Variants in SVOPL observed in about 807,000 individuals in gnomAD.
The protein encoded by SVOPL is SVOP like.
A neutral mutation model predicts 61.0 loss-of-function variants in SVOPL; 60 were observed. The ratio of observed to expected loss-of-function variants is 0.98; its 90% CI spans 0.80 to 1.22. The LOEUF (loss-of-function observed/expected upper bound fraction) is 1.22. Ranked by LOEUF, SVOPL falls within the 50% of genes most tolerant of loss-of-function variation. SVOPL has a pLI of 0.00. For synonymous variants in SVOPL, 279 were observed against 250.0 expected (o/e 1.12, Z -1.09); for missense variants, 662 against 643.9 (o/e 1.03, Z -0.30).
chr7:138,660,971 T>A (rs1801975774), intron 5 of SVOPL: 2 of 982,734 alleles, frequency 2.0e-6, no homozygotes, highest in South Asian at 9.4e-5. Flanking sequence ...TTGTTTTTGA[T>A]AACTCCTGTA....
intron 13 of SVOPL, among the ~76,000 whole-genome samples, chr7:138,622,509 G>A (rs1659815): frequency 0.37 from 56,132 of 151,198 alleles, 10,790 homozygotes; most frequent in East Asian, 0.6. Flanking sequence ...GTCTCTCCAA[G>A]TTGGCCGGGT....
intron 3 of SVOPL, among the ~76,000 whole-genome samples, chr7:138,678,062 G>A (rs977966592): frequency 2.6e-5 from 4 of 152,062 alleles, no homozygotes; most frequent in Non-Finnish European, 5.9e-5. Context: ...CACCGTGTGT[G>A]GCCACAATCT....
intron 14 of SVOPL, among the ~76,000 whole-genome samples, chr7:138,613,310 G>T (rs1427515248): frequency 6.6e-6 from 1 of 152,120 alleles, no homozygotes; most frequent in Admixed American, 6.5e-5. Flanking sequence ...ATGAGCCACC[G>T]TGACAGGCCA....
intron 9 of SVOPL, among the ~76,000 whole-genome samples, chr7:138,631,960 T>TCTCACACACACACACA (rs935815206): frequency 1.2e-4 from 18 of 146,964 alleles, no homozygotes; most frequent in African/African-American, 2.8e-4. Flanking sequence ...TGCTCTGATA[T>TCTCACACACACACACA]CACACACACA....
At chr7:138,601,543 A>G (rs1022427378) in intron 14 of SVOPL, among the ~76,000 whole-genome samples, 1 of 152,112 alleles carries the variant, frequency 6.6e-6, no homozygotes, top group South Asian at 2.1e-4. Context: ...TCTCTCTTAT[A>G]TGTGGAATCT....
chr7:138,689,340 A>G (rs1802887911), intron 1 of SVOPL: 5 of 1,591,524 alleles, frequency 3.1e-6, no homozygotes, highest in Non-Finnish European at 4.3e-6. Context: ...CCAAGTGAAC[A>G]AAGCACCTAA....
chr7:138,687,321 C>T (rs866372142), intron 1 of SVOPL, among the ~76,000 whole-genome samples: 10 of 148,314 alleles, frequency 6.7e-5, no homozygotes, highest in South Asian at 6.5e-4. Context: ...CCACAACCTC[C>T]GCCTCCTGAG....
chr7:138,655,513 A>G (rs775619715), intron 7 of SVOPL, among the ~76,000 whole-genome samples: 5 of 152,034 alleles, frequency 3.3e-5, no homozygotes, highest in Non-Finnish European at 7.4e-5. Context: ...TTCAAAAAAT[A>G]AAATAAAAAT....
At chr7:138,671,348 G>A (rs1032574491) in intron 4 of SVOPL, among the ~76,000 whole-genome samples, 1 of 152,010 alleles carries the variant, frequency 6.6e-6, no homozygotes, top group Admixed American at 6.6e-5. Context: ...AACTCATAAG[G>A]CTATTTTTTC....
chr7:138,608,917 T>C (rs1336389032), intron 14 of SVOPL, among the ~76,000 whole-genome samples: 2 of 152,110 alleles, frequency 1.3e-5, no homozygotes, highest in African/African-American at 4.8e-5. Context: ...TTGTAATATG[T>C]CAGAAAAACT....
chr7:138,612,648 T>G lies in SVOPL; in HGVS notation c.1353+8398A>C, dbSNP rs1338894637. Among the ~76,000 whole-genome samples, 4 of 151,946 alleles carry G rather than the reference T, an allele frequency of 2.6e-5. No individual in the cohort carries two copies. In the South Asian group the frequency reaches 8.3e-4, roughly 32 times the overall value. On this transcript the variant is annotated intron_variant, in intron 14 of 15. Transcript: ENST00000674285. ...CTCCTGCCTCAGCCTCCTGAGTAGC[T>G]GGGATTACAGGTGCCTGCCACCATG...
At chr7:138,696,795 C>A in intron 1 of SVOPL, among the ~76,000 whole-genome samples, 1 of 152,152 alleles carries the variant, frequency 6.6e-6, no homozygotes, top group East Asian at 1.9e-4. Flanking sequence ...TCTTAAACTC[C>A]TGGGCTCAGA....
Position 138,663,400 on chromosome 7 carries a change from T to C in SVOPL, c.274-255A>G, listed in dbSNP as rs536660322. The C allele has an allele frequency of 6.8e-4, 932 of 1,374,232 alleles. 17 individuals carry two copies. The South Asian group carries it at 0.014, about 20-fold the overall frequency. The allele number at this position is 1,374,232 out of a possible 1,614,324, so 85.1% of individuals were successfully genotyped here. A position where few individuals can be genotyped will look rare whatever the true frequency, so the allele number is the denominator to read the frequency against. Reference sequence around the variant, plus strand: ...GGGTCCTCTGCCGCCCGCTTGTTGCTAGAGGACGGCTTCGGCTCCACTCTA... The same window carrying C: ...GGGTCCTCTGCCGCCCGCTTGTTGCCAGAGGACGGCTTCGGCTCCACTCTA... On this transcript the variant is annotated intron_variant, in intron 4 of 15. Coordinates refer to ENST00000674285, the MANE Select transcript of SVOPL (RefSeq NM_001139456.2).
At chr7:138,620,190 G>A (rs1389452854) in intron 14 of SVOPL, among the ~76,000 whole-genome samples, 2 of 136,012 alleles carry the variant, frequency 1.5e-5, no homozygotes, top group Non-Finnish European at 3.0e-5. Context: ...ACGCGATCTC[G>A]GCTCACTGCA....
chr7:138,664,796 T>G (rs1802185674), intron 4 of SVOPL, among the ~76,000 whole-genome samples: 1 of 94,378 alleles, frequency 1.1e-5, no homozygotes, highest in Non-Finnish European at 2.1e-5. Context: ...CCCCAGCTCT[T>G]CCTCCTCCGC....
rs143129383 is a variant in SVOPL, at chr7:138,656,499, C to T, written c.483G>A (p.Lys161=). The change falls in exon 7 of 16, where the codon AAG becomes AAA. Residue 161 remains lysine (K), a synonymous_variant. Coordinates refer to ENST00000674285, the MANE Select transcript of SVOPL (RefSeq NM_001139456.2). ...GGTATTTCGTGGGCAAAAATTCAGT[C>T]TTTATGATTAACCTAAACAGGAAGC... is the stretch of plus-strand genomic sequence containing the variant. ...VSGHSQGLII[K]TEFLPTKYRG... is the part of the protein sequence containing the mutation. 6.2e-7 allele frequency: 1 copy of T among 1,613,926 alleles called. No homozygotes were observed. The highest frequency in any genetic ancestry group is 8.5e-7 in the Non-Finnish European group (1 of 1,179,968).
At position 138,686,374 on chromosome 7, in the gene SVOPL, C is replaced by T. The variant is rs192170914; in HGVS notation, c.-34-7295G>A. On this transcript the variant is annotated intron_variant, in intron 1 of 15. Coordinates refer to ENST00000674285, the MANE Select transcript of SVOPL (RefSeq NM_001139456.2). ...TTAGCCGAGATCGTGCCACTTCACT[C>T]CAGCCTGGGTGAAAGAGTGAGACTC... is the stretch of plus-strand genomic sequence containing the variant. Among the ~76,000 whole-genome samples the T allele has an allele frequency of 6.1e-3, 886 of 144,318 alleles. 4 individuals are homozygous for T. The highest frequency in any genetic ancestry group is 0.01 in the Admixed American group (146 of 14,474). 94.7% of individuals were successfully genotyped at this position (144,318 alleles called of 152,430 possible). A position where few individuals can be genotyped will look rare whatever the true frequency, so the allele number is the denominator to read the frequency against.
intron 14 of SVOPL, among the ~76,000 whole-genome samples, chr7:138,607,747 G>C (rs1369049216): frequency 6.6e-6 from 1 of 152,146 alleles, no homozygotes; most frequent in Non-Finnish European, 1.5e-5. Context: ...GAACAAGGTT[G>C]ATTTTACAGC....
rs369684225 is a variant in SVOPL, at chr7:138,644,775, C to T, written c.731G>A (p.Arg244His). 186 of 1,614,038 alleles carry T rather than the reference C, an allele frequency of 1.2e-4. No homozygotes were observed. The highest frequency in any genetic ancestry group is 4.5e-4 in the South Asian group (41 of 91,082). Residue 244 changes from arginine (R) to histidine (H), a missense_variant, in exon 9 of 16, where the codon CGC (arginine) becomes CAC (histidine). Physicochemically the swap from Arg to His is conservative, Grantham distance 29. Coordinates refer to ENST00000674285, the MANE Select transcript of SVOPL (RefSeq NM_001139456.2). ...GACCGAGCGGTTCATCTTGGCAACG[C>T]GCTCCAGAGTGGCCAGGGCAGCCCG... ...NTRAALATLE[R>H]VAKMNRSVMP...
Sources: allele counts gnomAD v4.1 joint callset (sites outside exome capture counted in the v4.1 genomes callset), GRCh38; gene constraint gnomAD v4.1.1; transcripts MANE v1.5; gene names NCBI Gene and HGNC (gene_info 2026-07-23, HGNC 2026-07-21).